Variants in FRAS1 observed in about 807,000 individuals in gnomAD.
The protein encoded by FRAS1 is extracellular matrix organizing protein FRAS1.
FRAS1 carries 290 observed loss-of-function variants against 435.2 expected under a neutral mutation model. The observed-to-expected ratio is 0.67, with a 90% confidence interval of 0.61 to 0.73. The LOEUF is 0.73. Among genes scored for constraint, FRAS1 ranks in the 30% least tolerant of loss-of-function variants. FRAS1 has a pLI of 0.00. For missense variants in FRAS1, 4,860 were observed against 5,001.5 expected, an observed-to-expected ratio of 0.97 and a Z score of 0.85; for synonymous variants, 1,800 against 1,851.0, an observed-to-expected ratio of 0.97 and a Z score of 0.71.
chr4:78,343,393 G>A (rs1428161052), intron 20 of FRAS1, among the ~76,000 whole-genome samples: 3 of 151,900 alleles, frequency 2.0e-5, no homozygotes, highest in Non-Finnish European at 2.9e-5. Context: ...CCTGTATGCA[G>A]GTTGTAGACC....
chr4:78,174,727 C>G (rs1162317279), intron 2 of FRAS1, among the ~76,000 whole-genome samples: 1 of 152,150 alleles, frequency 6.6e-6, no homozygotes, highest in East Asian at 1.9e-4. Flanking sequence ...AAATCTTTAA[C>G]CAGGCTTTTA....
In FRAS1 at chr4:78,418,859, G is replaced by A. The variant is rs1296124902; in HGVS notation, c.4426-90G>A. The A allele has an allele frequency of 1.3e-5, 9 of 700,444 alleles. No individual in the cohort carries two copies. In the East Asian group the frequency reaches 1.4e-4, roughly 11 times the overall value. 43.4% of individuals were successfully genotyped at this position (700,444 alleles called of 1,614,324 possible). On this transcript the variant is annotated intron_variant, in intron 32 of 73. Coordinates refer to ENST00000512123, the MANE Select transcript of FRAS1 (RefSeq NM_025074.7). ...AGTGTGACTAATTTAAAAGCCCAGA[G>A]CAATTTTTTTTTCTTAATAAGGTCT...
In FRAS1 at chr4:78,066,138, C is replaced by A. The variant is rs1740027922; in HGVS notation, c.108+122C>A. ...ATGTTTATTTTTCTTCAACGTTTGA[C>A]AATTAGCCCTCATTCGGGCACAATG... On this transcript the variant is annotated intron_variant, in intron 2 of 73. Transcript: ENST00000512123. 1.1e-5 allele frequency: 8 copies of A among 737,494 alleles called. 1 individual carries two copies. In the South Asian group the frequency reaches 1.1e-4, roughly 10 times the overall value. 45.7% of individuals were successfully genotyped at this position (737,494 alleles called of 1,614,324 possible). A position where few individuals can be genotyped will look rare whatever the true frequency, so the allele number is the denominator to read the frequency against.
rs775099775 is a variant in FRAS1 at position 78,419,068 on chromosome 4, G to T, written c.4540+5G>T. 4.1e-6 allele frequency: 6 copies of T among 1,462,336 alleles called. No homozygotes were observed. The highest frequency in any genetic ancestry group is 1.3e-5 in the South Asian group (1 of 77,778). The allele number at this position is 1,462,336 out of a possible 1,614,324, so 90.6% of individuals were successfully genotyped here. Reference sequence around the variant, plus strand: ...TACCTCTGCATCCAAATCAAGGTAAGATGTGCAGTAAATGATCTTTTGAGT... The same window carrying T: ...TACCTCTGCATCCAAATCAAGGTAATATGTGCAGTAAATGATCTTTTGAGT... On this transcript the variant is annotated splice_donor_5th_base_variant and intron_variant, in intron 33 of 73. Transcript: ENST00000512123.
At chr4:78,372,633 G>C in intron 23 of FRAS1, 85 bp from the exon 24 acceptor site, 2 of 1,525,130 alleles carry the variant, frequency 1.3e-6, no homozygotes, top group Non-Finnish European at 1.8e-6. Flanking sequence ...ACTCCTTGCA[G>C]CTGCAGACAG....
chr4:78,130,963 A>G (rs888343069), intron 2 of FRAS1, among the ~76,000 whole-genome samples: 2 of 152,204 alleles, frequency 1.3e-5, no homozygotes, highest in African/African-American at 2.4e-5. Flanking sequence ...TATTATTTCC[A>G]CTAGCCATCA....
At chr4:78,062,324 G>C (rs577848692) in intron 1 of FRAS1, among the ~76,000 whole-genome samples, 1 of 152,162 alleles carries the variant, frequency 6.6e-6, no homozygotes, top group Non-Finnish European at 1.5e-5. Flanking sequence ...ATCAGGACAT[G>C]AGCTGTCCTG....
At chr4:78,338,842 G>A (rs1379263512) in intron 20 of FRAS1, among the ~76,000 whole-genome samples, 3 of 152,222 alleles carry the variant, frequency 2.0e-5, no homozygotes, top group Non-Finnish European at 2.9e-5. Context: ...TGCTCCCTGT[G>A]GCTGGTGGTG....
rs753511212 is a variant in FRAS1, at chr4:78,475,460, G to A, written c.7705G>A (p.Gly2569Arg). Residue 2569 changes from glycine to arginine, a missense_variant, in exon 54 of 74, where the codon GGG (glycine) becomes AGG (arginine). Transcript: ENST00000512123. ...YTSYNVSEKAGSVSVTVQRTG... is the reference protein window; with the variant it reads ...YTSYNVSEKARSVSVTVQRTG... Reference sequence around the variant, plus strand: ...CAGCTACAATGTCAGTGAGAAGGCAGGGTCTGTCAGTGTCACGGTGCAGAG... The same window carrying A: ...CAGCTACAATGTCAGTGAGAAGGCAAGGTCTGTCAGTGTCACGGTGCAGAG... 1.2e-6 allele frequency: 2 copies of A among 1,613,944 alleles called. No homozygotes were observed. The highest frequency in any genetic ancestry group is 2.2e-5 in the South Asian group (2 of 91,074).
chr4:78,354,926 AT>A (rs1730791505), intron 20 of FRAS1, among the ~76,000 whole-genome samples: 1 of 152,204 alleles, frequency 6.6e-6, no homozygotes, highest in South Asian at 2.1e-4. Context: ...ATCCGTCATG[AT>A]TGTGGGTAAT....
Position 78,506,199 on chromosome 4 carries a change from A to G in FRAS1, c.9317-1222A>G, listed in dbSNP as rs1278133717. Among the ~76,000 whole-genome samples, 3 of 152,204 alleles carry G rather than the reference A, an allele frequency of 2.0e-5. No individual in the cohort carries two copies. The East Asian group carries it at 5.8e-4, about 29-fold the overall frequency. On this transcript the variant is annotated intron_variant, in intron 61 of 73. Coordinates refer to ENST00000512123, the MANE Select transcript of FRAS1 (RefSeq NM_025074.7). The stretch of plus-strand genomic sequence containing the variant: ...GAGATGTCTCCCAGTTAGGCTACAC[A>G]GGGGTCAGGGACCCACTTGAGGAGG...
intron 53 of FRAS1, among the ~76,000 whole-genome samples, chr4:78,474,766 G>A (rs80322118): frequency 0.025 from 3,751 of 152,222 alleles, 170 homozygotes; most frequent in African/African-American, 0.084. Flanking sequence ...GAAAAACAAA[G>A]CCCAGCTCAT....
At chr4:78,376,067 G>T (rs1230953611) in intron 26 of FRAS1, among the ~76,000 whole-genome samples, 188 bp downstream of exon 26, 1 of 152,192 alleles carries the variant, frequency 6.6e-6, no homozygotes, top group African/African-American at 2.4e-5. Context: ...CGCAACTTCT[G>T]TAATCATTGG....
intron 18 of FRAS1, among the ~76,000 whole-genome samples, chr4:78,328,632 C>A (rs1042890720): frequency 2.0e-5 from 3 of 152,050 alleles, no homozygotes; most frequent in Non-Finnish European, 4.4e-5. Flanking sequence ...TAAAAGGAGT[C>A]TGAAAATATT....
At chr4:78,105,805 A>G (rs1211158970) in intron 2 of FRAS1, among the ~76,000 whole-genome samples, 2 of 151,198 alleles carry the variant, frequency 1.3e-5, no homozygotes, top group Admixed American at 1.3e-4. Flanking sequence ...GACGCAGAAG[A>G]CGGATGATTT....
At chr4:78,271,588 G>A (rs1462342830) in intron 9 of FRAS1, among the ~76,000 whole-genome samples, 1 of 152,134 alleles carries the variant, frequency 6.6e-6, no homozygotes. Context: ...CCTTGTGATG[G>A]TTTGCTGAGA....
At chr4:78,337,282 C>T (rs1464665074) in intron 19 of FRAS1, among the ~76,000 whole-genome samples, 1 of 152,074 alleles carries the variant, frequency 6.6e-6, no homozygotes, top group African/African-American at 2.4e-5. Flanking sequence ...CAAAATGTCC[C>T]CTTCTTCTCC....
At chr4:78,385,910 G>A (rs542082121) in intron 28 of FRAS1, among the ~76,000 whole-genome samples, 29 of 151,262 alleles carry the variant, frequency 1.9e-4, no homozygotes, top group Non-Finnish European at 3.5e-4. Flanking sequence ...AGCTGAAACA[G>A]GTGATCTCTG....
At position 78,432,380 on chromosome 4, in the gene FRAS1, G is replaced by A. The variant is rs1388435190; in HGVS notation, c.4993G>A (p.Val1665Ile). Residue 1665 changes from valine (V) to isoleucine (I), a missense_variant, in exon 38 of 74, where the codon GTT becomes ATT. Val to Ile is a conservative substitution (Grantham distance 29). Coordinates refer to ENST00000512123, the MANE Select transcript of FRAS1 (RefSeq NM_025074.7). ...AGGTGACACTTTCACCTATGAGGAT[G>A]TTGAGAAAAATGCTCTACAGTATAT... ...ATGDTFTYED[V>I]EKNALQYIHD... 2.5e-6 allele frequency: 4 copies of A among 1,602,934 alleles called. No individual in the cohort carries two copies. Among genetic ancestry groups the A allele is most frequent in the Non-Finnish European group, 3.4e-6 (4 of 1,174,132 alleles).
Sources: gnomAD v4.1 joint callset for allele counts (sites outside exome capture counted in the v4.1 genomes callset) on GRCh38, gnomAD v4.1.1 for gene constraint, MANE v1.5 for transcripts, NCBI Gene and HGNC (gene_info 2026-07-23, HGNC 2026-07-21) for gene names.